Variants in ALK observed in about 807,000 individuals in gnomAD.
The protein encoded by ALK is ALK tyrosine kinase receptor.
A neutral mutation model predicts 163.1 loss-of-function variants in ALK; 74 were observed. That is an observed-to-expected ratio of 0.45 (90% CI 0.38 to 0.55). The LOEUF is 0.55. ALK is among the 20% of genes least tolerant of loss of function. The probability of loss-of-function intolerance (pLI) is 0.00; values close to 1 mark genes in which losing one functional copy is unlikely to be tolerated. For synonymous variants in ALK, 960 were observed against 843.2 expected, an observed-to-expected ratio of 1.14 and a Z score of -2.40; for missense variants, 2,063 against 2,105.3, an observed-to-expected ratio of 0.98 and a Z score of 0.39.
At chr2:29,637,753 G>C (rs982514929) in intron 3 of ALK, among the ~76,000 whole-genome samples, 1 of 146,260 alleles carries the variant, frequency 6.8e-6, no homozygotes, top group African/African-American at 2.5e-5. Context: ...GGAATGTTCT[G>C]TACCTTAACT....
intron 4 of ALK, among the ~76,000 whole-genome samples, chr2:29,498,615 G>C (rs577889318): frequency 1.3e-5 from 2 of 152,156 alleles, no homozygotes; most frequent in Non-Finnish European, 2.9e-5. Context: ...CCAATGGAGC[G>C]GGGCTCCACT....
intron 1 of ALK, among the ~76,000 whole-genome samples, chr2:29,755,219 AG>A (rs1211280295): frequency 1.3e-5 from 2 of 152,234 alleles, no homozygotes; most frequent in Non-Finnish European, 2.9e-5. Flanking sequence ...CTCTTTAGTC[AG>A]AAACACCTCA....
At chr2:29,830,676 C>T (rs1277124893) in intron 1 of ALK, among the ~76,000 whole-genome samples, 1 of 125,616 alleles carries the variant, frequency 8.0e-6, no homozygotes, top group African/African-American at 3.1e-5. Context: ...GAAGACCAGC[C>T]TGGAAAACAC....
At position 29,193,302 on chromosome 2, in the gene ALK, G is replaced by T. The variant is rs76150405; in HGVS notation, c.4785C>A (p.Ala1595=). 1 of 1,614,114 alleles carries T rather than the reference G, an allele frequency of 6.2e-7. No individual in the cohort carries two copies. Among genetic ancestry groups the T allele is most frequent in the Non-Finnish European group, 8.5e-7 (1 of 1,180,016 alleles). Residue 1595 remains alanine (A), a synonymous_variant, in exon 29 of 29, where the codon GCC becomes GCA. Transcript: ENST00000389048. The stretch of plus-strand genomic sequence containing the variant: ...AATGACCAGCTCCAGGGGCAGTAGC[G>T]GCTTCTAAGGGCAAGCCCTGTTGCT... ...GYQQQGLPLE[A]ATAPGAGHYE...
chr2:29,532,696 T>G (rs544937061), intron 3 of ALK, among the ~76,000 whole-genome samples: 2 of 152,322 alleles, frequency 1.3e-5, no homozygotes, highest in South Asian at 4.1e-4. Flanking sequence ...CAATCTTGAT[T>G]CCAGTAGCAC....
intron 1 of ALK, among the ~76,000 whole-genome samples, chr2:29,802,988 A>G (rs1186629849): frequency 6.6e-6 from 1 of 152,234 alleles, no homozygotes; most frequent in East Asian, 1.9e-4. Flanking sequence ...GGGATTTTAA[A>G]AAAATAACAG....
chr2:29,575,540 A>T (rs4545963), intron 3 of ALK, among the ~76,000 whole-genome samples: 146,894 of 152,280 alleles, frequency 0.96, 71,075 homozygotes, highest in East Asian at 1. Flanking sequence ...GGCTCGGGTC[A>T]GTGCATTTAT....
intron 3 of ALK, among the ~76,000 whole-genome samples, chr2:29,534,932 T>C (rs6742194): frequency 0.17 from 25,716 of 152,212 alleles, 2,398 homozygotes; most frequent in East Asian, 0.31. Context: ...AATAAGCGAC[T>C]GAGCTTATTT....
At chr2:29,604,919 T>C (rs1267629504) in intron 3 of ALK, among the ~76,000 whole-genome samples, 1 of 152,220 alleles carries the variant, frequency 6.6e-6, no homozygotes, top group Non-Finnish European at 1.5e-5. Flanking sequence ...GTGAATCCTC[T>C]CTTCAATCAT....
intron 11 of ALK, among the ~76,000 whole-genome samples, chr2:29,270,731 C>T (rs1339852344): frequency 1.3e-5 from 2 of 152,134 alleles, no homozygotes; most frequent in Non-Finnish European, 2.9e-5. Context: ...CTCACTGCTG[C>T]ACTTGTGAGT....
intron 2 of ALK, among the ~76,000 whole-genome samples, chr2:29,709,626 G>C (rs1369320909): frequency 6.6e-6 from 1 of 152,132 alleles, no homozygotes; most frequent in Non-Finnish European, 1.5e-5. Flanking sequence ...CAAGTAGCGG[G>C]GAGACACATA....
At chr2:29,813,420 G>C (rs1289461012) in intron 1 of ALK, among the ~76,000 whole-genome samples, 1 of 152,240 alleles carries the variant, frequency 6.6e-6, no homozygotes. Flanking sequence ...GGGAATTAGG[G>C]AGTGGATGGA....
intron 2 of ALK, among the ~76,000 whole-genome samples, chr2:29,712,724 A>T (rs1679137826): frequency 6.6e-6 from 1 of 152,180 alleles, no homozygotes; most frequent in African/African-American, 2.4e-5. Flanking sequence ...AGGGAAAGTA[A>T]TTAAAAAGTC....
At chr2:29,760,215 A>T (rs992695543) in intron 1 of ALK, among the ~76,000 whole-genome samples, 6 of 151,900 alleles carry the variant, frequency 3.9e-5, no homozygotes, top group Non-Finnish European at 1.5e-5. Context: ...ACACACACAC[A>T]TCCCTATATA....
At chr2:29,238,179 C>T (rs368358713) in intron 13 of ALK, among the ~76,000 whole-genome samples, 6 of 152,120 alleles carry the variant, frequency 3.9e-5, no homozygotes, top group Non-Finnish European at 8.8e-5. Flanking sequence ...CTGCCACATC[C>T]GGCAGTTTAA....
At chr2:29,316,294 A>G (rs925014710) in intron 8 of ALK, among the ~76,000 whole-genome samples, 3 of 152,198 alleles carry the variant, frequency 2.0e-5, no homozygotes, top group Admixed American at 1.3e-4. Context: ...GTGAAATCAT[A>G]TGAATATATA....
At chr2:29,711,402 C>T (rs1036830238) in intron 2 of ALK, among the ~76,000 whole-genome samples, 2 of 152,220 alleles carry the variant, frequency 1.3e-5, no homozygotes, top group Non-Finnish European at 2.9e-5. Context: ...GGTCCTCCCT[C>T]CTCTGTGTTC....
chr2:29,707,001 G>C (rs960334553), intron 2 of ALK, among the ~76,000 whole-genome samples: 15 of 150,048 alleles, frequency 1.0e-4, no homozygotes, highest in African/African-American at 3.4e-4. Flanking sequence ...GTGTGTGTGT[G>C]TGTGTGTGTG....
At chr2:29,637,459 G>C (rs2148242109) in intron 3 of ALK, among the ~76,000 whole-genome samples, 1 of 152,120 alleles carries the variant, frequency 6.6e-6, no homozygotes, top group South Asian at 2.1e-4. Context: ...AAGTGGATGA[G>C]AATATAAAAA....
Sources: gnomAD v4.1 joint callset for allele counts (sites outside exome capture counted in the v4.1 genomes callset) on GRCh38, gnomAD v4.1.1 for gene constraint, MANE v1.5 for transcripts, NCBI Gene and HGNC (gene_info 2026-07-23, HGNC 2026-07-21) for gene names.